SLC22A15: variants seen among roughly 807,000 people sequenced by gnomAD.
SLC22A15 encodes flipt 1.
In SLC22A15, 45 loss-of-function variants were observed where a neutral mutation model predicts 62.7. That is an observed-to-expected ratio of 0.72 (90% CI 0.56 to 0.92). The LOEUF is 0.92. Ranked by LOEUF, SLC22A15 falls within the 40% of genes least tolerant of loss-of-function variation. SLC22A15 has a pLI of 0.00. For missense variants in SLC22A15, 622 were observed against 665.6 expected, an observed-to-expected ratio of 0.93 and a Z score of 0.72; for synonymous variants, 264 against 267.0, an observed-to-expected ratio of 0.99 and a Z score of 0.11.
intron 8 of SLC22A15, among the ~76,000 whole-genome samples, chr1:116,052,332 G>A (rs958927961): frequency 4.6e-5 from 7 of 152,242 alleles, no homozygotes; most frequent in African/African-American, 1.7e-4. Flanking sequence ...CAAGGTGGCA[G>A]CGAGGCTGGG....
chr1:115,987,130 C>T (rs973952217), intron 1 of SLC22A15, among the ~76,000 whole-genome samples: 1 of 150,830 alleles, frequency 6.6e-6, no homozygotes, highest in Non-Finnish European at 1.5e-5. Context: ...TGAGGAGTTT[C>T]AGGGAGATTG....
chr1:116,012,514 A>T (rs181723647), intron 2 of SLC22A15, among the ~76,000 whole-genome samples: 9 of 152,358 alleles, frequency 5.9e-5, no homozygotes, highest in Admixed American at 3.9e-4. Flanking sequence ...AGGAAGGAAA[A>T]GAAAGAAACC....
At chr1:116,059,484 A>G (rs1370916899) in intron 8 of SLC22A15, among the ~76,000 whole-genome samples, 1 of 152,190 alleles carries the variant, frequency 6.6e-6, no homozygotes, top group East Asian at 1.9e-4. Flanking sequence ...AGTCAACAAC[A>G]AAAAAGGAAA....
At chr1:116,051,604 A>G (rs1181343771) in intron 8 of SLC22A15, among the ~76,000 whole-genome samples, 3 of 152,232 alleles carry the variant, frequency 2.0e-5, no homozygotes, top group Non-Finnish European at 4.4e-5. Flanking sequence ...GGAAACTATA[A>G]AAATACTAGA....
At chr1:116,036,980 A>G (rs1364471949) in intron 7 of SLC22A15, among the ~76,000 whole-genome samples, 1 of 152,218 alleles carries the variant, frequency 6.6e-6, no homozygotes, top group Non-Finnish European at 1.5e-5. Context: ...CAGGAATTTT[A>G]TTAGGATTAA....
At chr1:116,042,033 C>A (rs1430423173) in intron 8 of SLC22A15, among the ~76,000 whole-genome samples, 3 of 151,182 alleles carry the variant, frequency 2.0e-5, no homozygotes, top group Middle Eastern at 3.4e-3. Context: ...TTAACTGCAT[C>A]ACGGAACAAA....
At position 116,048,377 on chromosome 1, in the gene SLC22A15, G is replaced by T. The variant is rs114617696; in HGVS notation, c.1171+10989G>T. 5.7e-3 allele frequency among the ~76,000 whole-genome samples: 869 copies of T among 152,306 alleles called. 4 individuals are homozygous for T. The highest frequency in any genetic ancestry group is 9.5e-3 in the Non-Finnish European group (646 of 68,024). On this transcript the variant is annotated intron_variant, in intron 8 of 11. Coordinates refer to ENST00000369503, the MANE Select transcript of SLC22A15 (RefSeq NM_018420.3). ...TAAAGGAAAACTTCTCAGATTAACGGCAGATTTCTCAGCAGAAACGCTACA... is the reference window on the plus strand; with the variant it reads ...TAAAGGAAAACTTCTCAGATTAACGTCAGATTTCTCAGCAGAAACGCTACA...
At chr1:116,045,417 G>A (rs943466599) in intron 8 of SLC22A15, among the ~76,000 whole-genome samples, 5 of 151,598 alleles carry the variant, frequency 3.3e-5, no homozygotes, top group African/African-American at 1.2e-4. Context: ...GAAAAACAAA[G>A]TTGAAGAACT....
chr1:115,988,351 G>A (rs898925968), intron 1 of SLC22A15, among the ~76,000 whole-genome samples: 4 of 152,078 alleles, frequency 2.6e-5, no homozygotes, highest in Admixed American at 1.3e-4. Context: ...TGTTTTTTGG[G>A]GGGGAAAGGA....
rs1657393137 is a variant in SLC22A15 at position 116,031,495 on chromosome 1, C to G, written c.858C>G (p.Asn286Lys). The change falls in exon 6 of 12, where the codon AAC (asparagine) becomes AAG (lysine). Residue 286 changes from asparagine to lysine, a missense_variant. Coordinates refer to ENST00000369503, the MANE Select transcript of SLC22A15 (RefSeq NM_018420.3). Reference sequence around the variant, plus strand: ...CGTTCTCACTAACACACCCAGCCAACAGGAGCTGCAGGGAGACTGGAAGTT... The same window carrying G: ...CGTTCTCACTAACACACCCAGCCAAGAGGAGCTGCAGGGAGACTGGAAGTT... ...KCTFSLTHPANRSCRETGSFL... is the reference protein window; with the variant it reads ...KCTFSLTHPAKRSCRETGSFL... 3.1e-6 allele frequency: 5 copies of G among 1,614,002 alleles called. No homozygotes were observed. Among genetic ancestry groups the G allele is most frequent in the Non-Finnish European group, 4.2e-6 (5 of 1,179,878 alleles).
At chr1:116,022,475 T>C (rs1225454647) in intron 4 of SLC22A15, among the ~76,000 whole-genome samples, 3 of 152,194 alleles carry the variant, frequency 2.0e-5, no homozygotes, top group Admixed American at 2.0e-4. Context: ...ATATTTTTCT[T>C]GTACCTCTTA....
chr1:116,064,408 C>A, intron 9 of SLC22A15, 28 bp from the exon 10 acceptor site: 2 of 1,568,642 alleles, frequency 1.3e-6, no homozygotes, highest in Non-Finnish European at 1.8e-6. Flanking sequence ...CTAGAACTTA[C>A]TGATGTATTT....
intron 9 of SLC22A15, among the ~76,000 whole-genome samples, chr1:116,063,501 G>A (rs1658428747): frequency 6.6e-6 from 1 of 152,198 alleles, no homozygotes; most frequent in Admixed American, 6.5e-5. Flanking sequence ...GGCCTGGGCA[G>A]GTATTCGCTC....
chr1:116,016,557 C>G (rs1656539883), intron 2 of SLC22A15, among the ~76,000 whole-genome samples: 1 of 152,160 alleles, frequency 6.6e-6, no homozygotes, highest in Admixed American at 6.5e-5. Flanking sequence ...TTCATAACCT[C>G]TCCCATGAGC....
intron 1 of SLC22A15, among the ~76,000 whole-genome samples, chr1:115,991,620 C>T (rs1157464403): frequency 6.6e-6 from 1 of 152,180 alleles, no homozygotes; most frequent in Non-Finnish European, 1.5e-5. Context: ...TCCTAGCCCC[C>T]TAGTGAATGC....
chr1:116,027,133 C>G, intron 5 of SLC22A15, 111 bp downstream of exon 5: 1 of 1,055,520 alleles, frequency 9.5e-7, no homozygotes, highest in Non-Finnish European at 1.4e-6. Context: ...CCTGCACTGA[C>G]TTTGGTGAAG....
intron 1 of SLC22A15, among the ~76,000 whole-genome samples, chr1:115,979,012 C>T (rs1031834021): frequency 6.6e-6 from 1 of 152,266 alleles, no homozygotes; most frequent in South Asian, 2.1e-4. Context: ...TCCCCATCTG[C>T]GATTTGATAA....
At chr1:116,054,029 G>T (rs1233502432) in intron 8 of SLC22A15, among the ~76,000 whole-genome samples, 1 of 151,654 alleles carries the variant, frequency 6.6e-6, no homozygotes, top group African/African-American at 2.4e-5. Flanking sequence ...ACATCATAAT[G>T]ACAGGATCAA....
intron 2 of SLC22A15, chr1:116,013,776 A>G (rs2101241866): frequency 6.6e-6 from 1 of 152,350 alleles, no homozygotes; most frequent in African/African-American, 2.4e-5. Flanking sequence ...TTCCTTTAAA[A>G]TTTATCTTCA....
Sources: allele counts gnomAD v4.1 joint callset (sites outside exome capture counted in the v4.1 genomes callset), GRCh38; gene constraint gnomAD v4.1.1; transcripts MANE v1.5; gene names NCBI Gene and HGNC (gene_info 2026-07-23, HGNC 2026-07-21).